The following MAPKAP1 variants were observed in gnomAD, a reference collection of about 807,000 sequenced individuals.
MAPKAP1 encodes target of rapamycin complex 2 subunit MAPKAP1.
In MAPKAP1, 20 loss-of-function variants were observed where a neutral mutation model predicts 65.7. The observed-to-expected ratio is 0.30, with a 90% CI of 0.21 to 0.44. MAPKAP1 has a LOEUF of 0.44. MAPKAP1 is among the 20% of genes least tolerant of loss of function. MAPKAP1 has a pLI of 1.00. For missense variants in MAPKAP1, 423 were observed against 648.0 expected (o/e 0.65, Z 3.77); for synonymous variants, 222 against 244.3 (o/e 0.91, Z 0.85).
intron 4 of MAPKAP1, among the ~76,000 whole-genome samples, chr9:125,629,175 C>T (rs762888999): frequency 9.2e-5 from 14 of 152,026 alleles, no homozygotes; most frequent in Non-Finnish European, 1.6e-4. Context: ...AATGCAACCA[C>T]GATGGAAAGC....
chr9:125,558,000 G>A (rs1405882845), intron 6 of MAPKAP1, among the ~76,000 whole-genome samples: 1 of 152,164 alleles, frequency 6.6e-6, no homozygotes, highest in East Asian at 1.9e-4. Flanking sequence ...GGGATTACAG[G>A]TGCCCACCAC....
In MAPKAP1 at chr9:125,648,367, C is replaced by A. The variant is rs143222717; in HGVS notation, c.498+9284G>T. On this transcript the variant is annotated intron_variant, in intron 4 of 11. Transcript: ENST00000265960. ...AAAGTTGTAGTTTTCCCATCTGTAC[C>A]CCCCTACATCTCACTGATGTCAATC... Among the ~76,000 whole-genome samples, 928 of 152,226 alleles carry A rather than the reference C, an allele frequency of 6.1e-3. 16 individuals are homozygous for A. The highest frequency in any genetic ancestry group is 0.021 in the African/African-American group (892 of 41,530).
intron 10 of MAPKAP1, among the ~76,000 whole-genome samples, chr9:125,462,578 T>C (rs1853538499): frequency 6.6e-6 from 1 of 152,208 alleles, no homozygotes; most frequent in Admixed American, 6.5e-5. Context: ...TTGCTTTGTT[T>C]ACATAAACCC....
chr9:125,606,141 A>G (rs1425388402), intron 4 of MAPKAP1, among the ~76,000 whole-genome samples: 1 of 152,200 alleles, frequency 6.6e-6, no homozygotes, highest in African/African-American at 2.4e-5. Flanking sequence ...CAAGAACCCA[A>G]TTTCCTTCAG....
Position 125,536,773 on chromosome 9 carries a change from C to T in MAPKAP1, c.958+6286G>A, listed in dbSNP as rs896570979. 2.0e-5 allele frequency among the ~76,000 whole-genome samples: 3 copies of T among 152,336 alleles called. No homozygotes were observed. In the South Asian group the frequency reaches 6.2e-4, roughly 32 times the overall value. The stretch of plus-strand genomic sequence containing the variant: ...ACCCTATAGCCAGAAGATTCTTTAG[C>T]TTACATTAGCCTTCAGAGGGCATTT... On this transcript the variant is annotated intron_variant, in intron 7 of 11. Transcript: ENST00000265960.
intron 8 of MAPKAP1, among the ~76,000 whole-genome samples, chr9:125,495,532 A>G (rs1205547738): frequency 2.0e-5 from 3 of 152,216 alleles, no homozygotes; most frequent in Non-Finnish European, 2.9e-5. Flanking sequence ...ACATTTTCCA[A>G]TAAGACATTG....
At chr9:125,622,687 G>C (rs560179191) in intron 4 of MAPKAP1, among the ~76,000 whole-genome samples, 43 of 152,186 alleles carry the variant, frequency 2.8e-4, no homozygotes, top group African/African-American at 8.9e-4. Context: ...CTCGTGATCT[G>C]CCCATCTTGG....
At chr9:125,466,561 C>T (rs1357115775) in intron 10 of MAPKAP1, among the ~76,000 whole-genome samples, 2 of 152,162 alleles carry the variant, frequency 1.3e-5, no homozygotes, top group East Asian at 3.8e-4. Context: ...GAGAAAGATG[C>T]TAGAACAATG....
At chr9:125,628,891 C>G (rs13285919) in intron 4 of MAPKAP1, among the ~76,000 whole-genome samples, 3 of 134,548 alleles carry the variant, frequency 2.2e-5, no homozygotes, top group South Asian at 4.6e-4. Context: ...ACAACAAGAA[C>G]AACAACAACA....
At chr9:125,638,921 A>T (rs1176456544) in intron 4 of MAPKAP1, among the ~76,000 whole-genome samples, 1 of 152,234 alleles carries the variant, frequency 6.6e-6, no homozygotes, top group Non-Finnish European at 1.5e-5. Flanking sequence ...GCTGAGAATT[A>T]ACCTCACAAT....
At chr9:125,668,191 G>A (rs1476184850) in intron 3 of MAPKAP1, among the ~76,000 whole-genome samples, 2 of 152,194 alleles carry the variant, frequency 1.3e-5, no homozygotes, top group African/African-American at 2.4e-5. Context: ...GTGATTTAGC[G>A]CAGAGAGACT....
intron 7 of MAPKAP1, among the ~76,000 whole-genome samples, chr9:125,517,999 A>G (rs1424077085): frequency 2.0e-5 from 3 of 152,240 alleles, no homozygotes; most frequent in African/African-American, 2.4e-5. Context: ...CCAGGGCTTC[A>G]GCATAGCAAA....
intron 4 of MAPKAP1, among the ~76,000 whole-genome samples, chr9:125,610,966 T>A (rs1195914538): frequency 6.6e-6 from 1 of 152,198 alleles, no homozygotes; most frequent in Non-Finnish European, 1.5e-5. Flanking sequence ...GTTAACAGTA[T>A]GATCAGAAGC....
intron 7 of MAPKAP1, among the ~76,000 whole-genome samples, chr9:125,532,841 A>G (rs1439985982): frequency 6.6e-6 from 1 of 152,236 alleles, no homozygotes; most frequent in Admixed American, 6.5e-5. Context: ...TGCTATGTAC[A>G]TGTACCAGAC....
chr9:125,482,148 A>AAG (rs60115058), intron 9 of MAPKAP1, among the ~76,000 whole-genome samples: 22,324 of 116,584 alleles, frequency 0.19, 2,666 homozygotes, highest in East Asian at 0.35. Flanking sequence ...AAAAAAAAAA[A>AAG]AAGAAGAAGA....
At chr9:125,630,847 T>TA (rs1833259527) in intron 4 of MAPKAP1, among the ~76,000 whole-genome samples, 1 of 152,010 alleles carries the variant, frequency 6.6e-6, no homozygotes, top group Non-Finnish European at 1.5e-5. Context: ...AGCTGCTTAT[T>TA]AAAAAGAGGT....
At chr9:125,523,314 CATTTA>C (rs1009921368) in intron 7 of MAPKAP1, among the ~76,000 whole-genome samples, 2 of 152,120 alleles carry the variant, frequency 1.3e-5, no homozygotes, top group Non-Finnish European at 2.9e-5. Flanking sequence ...ATAAATCATA[CATTTA>C]ATTTATCTGA....
intron 4 of MAPKAP1, chr9:125,596,309 C>T: frequency 1.3e-6 from 1 of 760,912 alleles, no homozygotes; most frequent in Non-Finnish European, 2.4e-6. Context: ...GGAATGACAA[C>T]TTTGGTCATG....
intron 7 of MAPKAP1, among the ~76,000 whole-genome samples, chr9:125,524,754 G>A (rs1038517611): frequency 6.6e-6 from 1 of 152,206 alleles, no homozygotes; most frequent in Non-Finnish European, 1.5e-5. Flanking sequence ...TGCAGTTCCT[G>A]TCTCCTTCAG....
Sources: gnomAD v4.1 joint callset for allele counts (sites outside exome capture counted in the v4.1 genomes callset) on GRCh38, gnomAD v4.1.1 for gene constraint, MANE v1.5 for transcripts, NCBI Gene and HGNC (gene_info 2026-07-23, HGNC 2026-07-21) for gene names.